Variants in GLIS3 observed in about 807,000 individuals in gnomAD.
The protein encoded by GLIS3 is zinc finger protein GLIS3.
GLIS3 carries 53 observed loss-of-function variants against 78.6 expected under a neutral mutation model. The observed-to-expected ratio is 0.67, with a 90% confidence interval of 0.54 to 0.85. GLIS3 has a LOEUF of 0.85. Among genes scored for constraint, GLIS3 ranks in the 40% least tolerant of loss-of-function variants. The pLI, the probability that GLIS3 is intolerant of heterozygous loss-of-function variation, is 0.00. For synonymous variants in GLIS3, 684 were observed against 509.9 expected (o/e 1.34, Z -4.60); for missense variants, 1,703 against 1,231.1 (o/e 1.38, Z -5.74).
At chr9:4,202,075 T>C (rs956853659) in intron 2 of GLIS3, among the ~76,000 whole-genome samples, 10 of 151,298 alleles carry the variant, frequency 6.6e-5, no homozygotes, top group Admixed American at 5.3e-4. Context: ...GAGACGGAGG[T>C]TGCAGTGAGC....
At chr9:4,296,440 A>G (rs1370883836) in intron 1 of GLIS3, among the ~76,000 whole-genome samples, 1 of 152,192 alleles carries the variant, frequency 6.6e-6, no homozygotes, top group African/African-American at 2.4e-5. Context: ...ATTTTAGCTC[A>G]GTAGGAAATT....
upstream of GLIS3, among the ~76,000 whole-genome samples, chr9:4,349,112 C>G (rs1817929817): frequency 6.6e-6 from 1 of 152,168 alleles, no homozygotes; most frequent in South Asian, 2.1e-4. Context: ...TCTAAGCTTA[C>G]TAAACATCAG....
chr9:3,863,269 A>C (rs1820345270), intron 8 of GLIS3, among the ~76,000 whole-genome samples: 1 of 152,222 alleles, frequency 6.6e-6, no homozygotes, highest in Non-Finnish European at 1.5e-5. Context: ...CTCACAAAAG[A>C]GACACTTGGA....
chr9:3,961,171 A>G (rs533912532), intron 4 of GLIS3, among the ~76,000 whole-genome samples: 1 of 152,312 alleles, frequency 6.6e-6, no homozygotes, highest in South Asian at 2.1e-4. Context: ...CCCTTGCATT[A>G]TAAGAAAGTA....
At chr9:4,436,977 A>C in the GLIS3 span, among the ~76,000 whole-genome samples, 25 of 152,154 alleles carry the variant, frequency 1.6e-4, no homozygotes, top group African/African-American at 6.0e-4. Flanking sequence ...AGAGCAACTA[A>C]ATCCACATAA....
intron 4 of GLIS3, among the ~76,000 whole-genome samples, chr9:4,012,404 T>C (rs1822088289): frequency 1.3e-5 from 2 of 152,182 alleles, no homozygotes; most frequent in Non-Finnish European, 2.9e-5. Context: ...GTGATGGTTA[T>C]ATGTCTTTTT....
chr9:4,075,831 C>A (rs1412703541), intron 4 of GLIS3, among the ~76,000 whole-genome samples: 1 of 151,980 alleles, frequency 6.6e-6, no homozygotes, highest in East Asian at 1.9e-4. Context: ...GAACATTATA[C>A]TGAGGAAAAG....
chr9:4,282,811 C>G (rs1217322648), intron 2 of GLIS3, among the ~76,000 whole-genome samples: 1 of 151,900 alleles, frequency 6.6e-6, no homozygotes, highest in African/African-American at 2.4e-5. Flanking sequence ...TCTGGAAAAC[C>G]CTAATTAATA....
intron 6 of GLIS3, among the ~76,000 whole-genome samples, chr9:3,912,539 G>C (rs547083277): frequency 3.5e-4 from 53 of 152,244 alleles, no homozygotes; most frequent in African/African-American, 1.3e-3. Flanking sequence ...GGGAGCTGAG[G>C]TTCAAAAGGA....
the GLIS3 span, among the ~76,000 whole-genome samples, chr9:4,435,672 A>G: frequency 0.99 from 151,351 of 152,322 alleles, 75,197 homozygotes; most frequent in Middle Eastern, 1. Context: ...CCCCTAGGCC[A>G]GGCGCGGTGG....
At chr9:4,231,153 T>C (rs1248538568) in intron 2 of GLIS3, among the ~76,000 whole-genome samples, 2 of 152,010 alleles carry the variant, frequency 1.3e-5, no homozygotes, top group African/African-American at 4.8e-5. Flanking sequence ...AATTATAAAT[T>C]TATGAAAATT....
In GLIS3 at chr9:4,117,974, A is replaced by G; in HGVS notation, c.1504T>C (p.Cys502Arg). 6.2e-7 allele frequency: 1 copy of G among 1,613,500 alleles called. No homozygotes were observed. Among genetic ancestry groups the G allele is most frequent in the South Asian group, 1.1e-5 (1 of 91,072 alleles). The change falls in exon 4 of 11, where the codon TGC (cysteine) becomes CGC (arginine). Residue 502 changes from cysteine (C) to arginine (R), a missense_variant. By Grantham distance (180) the Cys-to-Arg change is radical. Coordinates refer to ENST00000381971, the MANE Select transcript of GLIS3 (RefSeq NM_001042413.2). ...AGGGCGCTGCAGTCGATCCAGCGGC[A>G]GCAATGCTTGCCCCCGATGCCGTCC... ...EMDGIGGKHCCRWIDCSALYD... is the reference protein window; with the variant it reads ...EMDGIGGKHCRRWIDCSALYD...
At chr9:4,168,034 C>T (rs1816025620) in intron 2 of GLIS3, among the ~76,000 whole-genome samples, 1 of 152,198 alleles carries the variant, frequency 6.6e-6, no homozygotes, top group South Asian at 2.1e-4. Context: ...GAGTCTGTTC[C>T]TACCAAGTGG....
intron 2 of GLIS3, among the ~76,000 whole-genome samples, chr9:4,241,991 A>G (rs1451216603): frequency 6.6e-6 from 1 of 152,154 alleles, no homozygotes; most frequent in African/African-American, 2.4e-5. Flanking sequence ...GCCCCATAGC[A>G]CATTTGCTTT....
chr9:4,469,283 G>A, the GLIS3 span, among the ~76,000 whole-genome samples: 1 of 152,136 alleles, frequency 6.6e-6, no homozygotes, highest in South Asian at 2.1e-4. Context: ...GCACCAAGCA[G>A]ACCTAATAGA....
intron 2 of GLIS3, among the ~76,000 whole-genome samples, chr9:4,180,528 T>A (rs562692381): frequency 5.6e-4 from 86 of 152,266 alleles, no homozygotes; most frequent in Non-Finnish European, 1.0e-3. Context: ...GTATCACACA[T>A]AGTTGGCACT....
At chr9:4,133,585 G>A (rs1181958897) in intron 2 of GLIS3, among the ~76,000 whole-genome samples, 6 of 152,174 alleles carry the variant, frequency 3.9e-5, no homozygotes, top group Non-Finnish European at 7.3e-5. Flanking sequence ...AGTTACTTAA[G>A]CTCTCTGTGC....
intron 2 of GLIS3, among the ~76,000 whole-genome samples, chr9:4,198,848 G>C (rs2131255064): frequency 2.0e-5 from 3 of 152,300 alleles, no homozygotes; most frequent in Middle Eastern, 6.8e-3. Context: ...AGCCCCATCA[G>C]TTTAACAGCA....
At chr9:4,469,008 C>G in the GLIS3 span, among the ~76,000 whole-genome samples, 7 of 151,974 alleles carry the variant, frequency 4.6e-5, no homozygotes, top group Admixed American at 4.6e-4. Context: ...AAAATAGACT[C>G]TAAACCAACA....
Sources: gnomAD v4.1 joint callset for allele counts (sites outside exome capture counted in the v4.1 genomes callset) on GRCh38, gnomAD v4.1.1 for gene constraint, MANE v1.5 for transcripts, NCBI Gene and HGNC (gene_info 2026-07-23, HGNC 2026-07-21) for gene names.